TMEM71: variants seen among roughly 807,000 people sequenced by gnomAD.
The protein encoded by TMEM71 is transmembrane protein 71.
TMEM71 carries 44 observed loss-of-function variants against 38.0 expected under a neutral mutation model. The observed-to-expected ratio is 1.16, with a 90% CI of 0.91 to 1.49. TMEM71 has a LOEUF of 1.49. Among genes scored for constraint, TMEM71 ranks in the 40% most tolerant of loss-of-function variants. The pLI is 0.00. For missense variants in TMEM71, 367 were observed against 348.6 expected (o/e 1.05, Z -0.42); for synonymous variants, 133 against 122.5 (o/e 1.09, Z -0.56).
chr8:132,709,244 T>G (rs1291558190), downstream of TMEM71, among the ~76,000 whole-genome samples: 4 of 152,234 alleles, frequency 2.6e-5, no homozygotes, highest in African/African-American at 9.6e-5. Context: ...TAGTTCTCCA[T>G]TAAATTCATT....
At chr8:132,740,835 T>C (rs1827994529) in intron 5 of TMEM71, among the ~76,000 whole-genome samples, 1 of 152,206 alleles carries the variant, frequency 6.6e-6, no homozygotes, top group African/African-American at 2.4e-5. Flanking sequence ...TTCTTAAGCA[T>C]TTTTGAACAG....
At chr8:132,773,380 T>C in the TMEM71 span, among the ~76,000 whole-genome samples, 1 of 152,260 alleles carries the variant, frequency 6.6e-6, no homozygotes, top group Non-Finnish European at 1.5e-5. Flanking sequence ...TCAAGTGTCA[T>C]TATTGGAAGA....
chr8:132,710,786 T>C lies in TMEM71; in HGVS notation c.*181A>G. 1 of 641,272 alleles carries C rather than the reference T, an allele frequency of 1.6e-6. No individual in the cohort carries two copies. The highest frequency in any genetic ancestry group is 2.9e-5 in the Admixed American group (1 of 34,128). The allele number at this position is 641,272 out of a possible 1,614,324, so 39.7% of individuals were successfully genotyped here. The stretch of plus-strand genomic sequence containing the variant: ...ATTAATATTATTTTCATGAGCATAT[T>C]ATAATTTTGATGGAAAAACTGAGAT... On this transcript the variant is annotated 3_prime_UTR_variant, in exon 10 of 10. Transcript: ENST00000677595.
In TMEM71 at chr8:132,722,104, A is replaced by G; in HGVS notation, c.688T>C (p.Leu230=). The G allele has an allele frequency of 1.9e-6, 3 of 1,613,466 alleles. No homozygotes were observed. The highest frequency in any genetic ancestry group is 2.5e-6 in the Non-Finnish European group (3 of 1,179,392). ...NSSDHSETRL[L]QEVFFQAILL... ...ATTGCCTGAAAGAAGACCTCTTGCA[A>G]CAACCTGGTTTCTAATAGGAAGAAC... The change falls in exon 7 of 10, where the codon TTG becomes CTG. Residue 230 remains leucine (L), a synonymous_variant. Transcript: ENST00000677595.
At chr8:132,720,035 A>AT (rs370358604) in intron 7 of TMEM71, among the ~76,000 whole-genome samples, 14 of 150,144 alleles carry the variant, frequency 9.3e-5, no homozygotes, top group South Asian at 2.1e-4. Flanking sequence ...ATGTCCCTTA[A>AT]TTTTTTTTTT....
At chr8:132,767,766 C>G in the TMEM71 span, among the ~76,000 whole-genome samples, 13 of 152,148 alleles carry the variant, frequency 8.5e-5, 1 homozygote, top group Non-Finnish European at 1.5e-5. Context: ...TGAGCCACCG[C>G]GCCCGGCCTA....
At chr8:132,705,948 T>C (rs1826089837), downstream of TMEM71, among the ~76,000 whole-genome samples, 1 of 152,142 alleles carries the variant, frequency 6.6e-6, no homozygotes, top group Non-Finnish European at 1.5e-5. Flanking sequence ...CCCAATGTTA[T>C]GGTATTTGGA....
Position 132,710,985 on chromosome 8 carries a change from A to G in TMEM71, c.873-3T>C, listed in dbSNP as rs1301104338. ...ATGGTTGTCAAATTTTGACAAACCT[A>G]GATTGGAGAAATAAGAAAAGAAATG... On this transcript the variant is annotated splice_polypyrimidine_tract_variant and splice_region_variant and intron_variant, in intron 9 of 9. Coordinates refer to ENST00000677595, the MANE Select transcript of TMEM71 (RefSeq NM_001382403.1). 6.2e-7 allele frequency: 1 copy of G among 1,607,114 alleles called. No homozygotes were observed. The highest frequency in any genetic ancestry group is 1.1e-5 in the South Asian group (1 of 90,064).
At chr8:132,731,511 T>C (rs1006764392) in intron 5 of TMEM71, among the ~76,000 whole-genome samples, 3 of 152,204 alleles carry the variant, frequency 2.0e-5, no homozygotes, top group African/African-American at 7.2e-5. Context: ...GTTTATCCCA[T>C]ATGGCTGCTT....
intron 7 of TMEM71, among the ~76,000 whole-genome samples, chr8:132,714,716 T>C (rs867262101): frequency 6.6e-6 from 1 of 152,284 alleles, no homozygotes; most frequent in East Asian, 1.9e-4. Context: ...ATAATTGGAC[T>C]TTATCAAAAT....
intron 3 of TMEM71, among the ~76,000 whole-genome samples, chr8:132,754,000 A>C (rs554879093): frequency 3.9e-4 from 60 of 152,156 alleles, no homozygotes; most frequent in African/African-American, 1.4e-3. Context: ...CATTTAATTC[A>C]TCTTTACATG....
intron 5 of TMEM71, 25 bp from the exon 6 acceptor site, chr8:132,728,011 T>G (rs766991978): frequency 1.4e-5 from 21 of 1,511,850 alleles, no homozygotes; most frequent in Non-Finnish European, 1.9e-5. Flanking sequence ...GGGTTCAGTG[T>G]GAGTGTGTGT....
chr8:132,763,343 T>A (rs1829326118), upstream of TMEM71, among the ~76,000 whole-genome samples: 1 of 152,166 alleles, frequency 6.6e-6, no homozygotes, highest in Non-Finnish European at 1.5e-5. Context: ...GTATCAAGAG[T>A]AGTGCTTCCC....
At chr8:132,756,366 G>A (rs1338108550) in intron 3 of TMEM71, among the ~76,000 whole-genome samples, 1 of 143,368 alleles carries the variant, frequency 7.0e-6, no homozygotes, top group Non-Finnish European at 1.5e-5. Context: ...CCACTCACCA[G>A]AGAAACAATT....
intron 4 of TMEM71, among the ~76,000 whole-genome samples, chr8:132,749,182 A>G (rs1828555000): frequency 6.6e-6 from 1 of 152,236 alleles, no homozygotes; most frequent in South Asian, 2.1e-4. Flanking sequence ...ACCACCTTGC[A>G]ATAGCCTGGC....
chr8:132,749,371 A>G (rs1828565533), intron 4 of TMEM71, among the ~76,000 whole-genome samples: 3 of 152,232 alleles, frequency 2.0e-5, no homozygotes, highest in Admixed American at 2.0e-4. Flanking sequence ...TTTGTGGTGG[A>G]AACAATAAAC....
At chr8:132,738,095 T>G (rs1563750646) in intron 5 of TMEM71, among the ~76,000 whole-genome samples, 1 of 152,196 alleles carries the variant, frequency 6.6e-6, no homozygotes, top group Non-Finnish European at 1.5e-5. Context: ...TAAGAGATAT[T>G]AGAAGTGTGA....
chr8:132,714,020 A>T lies in TMEM71; in HGVS notation c.847T>A (p.Tyr283Asn). 1.2e-6 allele frequency: 2 copies of T among 1,614,064 alleles called. No homozygotes were observed. Among genetic ancestry groups the T allele is most frequent in the Non-Finnish European group, 1.7e-6 (2 of 1,179,932 alleles). ...CGAGCACAGGCAGTGGTTTTGAAAT[A>T]GCTGGCAAGGCTGAGAAACAATGAT... ...VKSLFLSLAS[Y>N]FKTTACARFV... is the part of the protein sequence containing the mutation. Residue 283 changes from tyrosine (Y) to asparagine (N), a missense_variant, in exon 9 of 10, where the codon TAT (tyrosine) becomes AAT (asparagine). Coordinates refer to ENST00000677595, the MANE Select transcript of TMEM71 (RefSeq NM_001382403.1).
At chr8:132,750,567 C>T (rs1203031316) in intron 4 of TMEM71, among the ~76,000 whole-genome samples, 4 of 152,144 alleles carry the variant, frequency 2.6e-5, no homozygotes, top group Non-Finnish European at 1.5e-5. Context: ...CAGACTAAAC[C>T]AACCTACTCC....
Sources: gnomAD v4.1 joint callset for allele counts (sites outside exome capture counted in the v4.1 genomes callset) on GRCh38, gnomAD v4.1.1 for gene constraint, MANE v1.5 for transcripts, NCBI Gene and HGNC (gene_info 2026-07-23, HGNC 2026-07-21) for gene names.